ANKS1B: variants seen among roughly 807,000 people sequenced by gnomAD.
ANKS1B encodes the protein ankyrin repeat and sterile alpha motif domain containing 1B, also known as ankyrin repeat and sterile alpha motif domain-containing protein 1B.
ANKS1B carries 36 observed loss-of-function variants against 148.3 expected under a neutral mutation model. The ratio of observed to expected loss-of-function variants is 0.24; its 90% CI spans 0.19 to 0.32. The LOEUF (loss-of-function observed/expected upper bound fraction) is 0.32, where lower values mean the gene tolerates loss of function less well. Ranked by LOEUF, ANKS1B falls within the 10% of genes least tolerant of loss-of-function variation. ANKS1B has a pLI of 1.00. For missense variants in ANKS1B, 1,157 were observed against 1,542.6 expected (o/e 0.75, Z 4.19); for synonymous variants, 542 against 560.8 (o/e 0.97, Z 0.47).
At chr12:99,514,565 C>G (rs1238806987) in intron 9 of ANKS1B, among the ~76,000 whole-genome samples, 1 of 152,044 alleles carries the variant, frequency 6.6e-6, no homozygotes, top group Non-Finnish European at 1.5e-5. Flanking sequence ...CATCCAGAAA[C>G]TAGGACTGAA....
In ANKS1B at chr12:98,745,633, A is replaced by G; in HGVS notation, c.*106T>C. 9 of 1,504,880 alleles carry G rather than the reference A, an allele frequency of 6.0e-6. No individual in the cohort carries two copies. The South Asian group carries it at 9.3e-5, about 16-fold the overall frequency. 93.2% of individuals were successfully genotyped at this position (1,504,880 alleles called of 1,614,324 possible). ...TCGCCCGTAACAAGGCCGCACGCTC[A>G]GAGCAGTCTTCCTCCTGGGCTGGGT... On this transcript the variant is annotated 3_prime_UTR_variant, in exon 27 of 27. Coordinates refer to ENST00000683438, the MANE Select transcript of ANKS1B (RefSeq NM_001352186.2).
intron 8 of ANKS1B, among the ~76,000 whole-genome samples, chr12:99,713,501 GATTTCCAAGCAA>G (rs1201639779): frequency 2.6e-5 from 4 of 152,030 alleles, no homozygotes; most frequent in Non-Finnish European, 5.9e-5. Flanking sequence ...AGTTTGCTTG[GATTTCCAAGCAA>G]ATTTCCTCGG....
chr12:99,179,787 C>T (rs1275919894), intron 14 of ANKS1B, among the ~76,000 whole-genome samples: 2 of 152,128 alleles, frequency 1.3e-5, no homozygotes, highest in African/African-American at 2.4e-5. Context: ...TAATACTTAA[C>T]AACAGTGCTG....
chr12:98,937,481 T>C (rs1290556937), intron 17 of ANKS1B, among the ~76,000 whole-genome samples: 2 of 152,244 alleles, frequency 1.3e-5, no homozygotes, highest in African/African-American at 4.8e-5. Flanking sequence ...GTTTTGTAGC[T>C]TCACTGTCTT....
chr12:99,075,546 G>A (rs2047573952), intron 16 of ANKS1B, among the ~76,000 whole-genome samples: 3 of 152,110 alleles, frequency 2.0e-5, no homozygotes, highest in South Asian at 4.1e-4. Context: ...TGAATGACTT[G>A]CTGTCACTTC....
At chr12:99,218,941 C>A (rs866977303) in intron 14 of ANKS1B, among the ~76,000 whole-genome samples, 2 of 152,196 alleles carry the variant, frequency 1.3e-5, no homozygotes, top group Non-Finnish European at 1.5e-5. Flanking sequence ...GACCTATATA[C>A]GTATTATACA....
chr12:99,812,186 T>C lies in ANKS1B; in HGVS notation c.341A>G (p.His114Arg). 1.2e-6 allele frequency: 2 copies of C among 1,611,878 alleles called. No individual in the cohort carries two copies. The highest frequency in any genetic ancestry group is 1.7e-6 in the Non-Finnish European group (2 of 1,178,486). The stretch of plus-strand genomic sequence containing the variant: ...ATTGACCCTGGAATGTGATGGTCCA[T>C]GATGAATAAGAATCTTCACAATTTC... The part of the protein sequence containing the change: ...DVEIVKILIH[H>R]GPSHSRVNEQ... The change falls in exon 3 of 27, where the codon CAT (histidine) becomes CGT (arginine). Residue 114 changes from histidine (H) to arginine (R), a missense_variant. Physicochemically the swap from His to Arg is conservative, Grantham distance 29 (BLOSUM62 0). Around this residue, in one of 6 missense-constraint regions of ANKS1B, gnomAD observed 164 missense variants for 232.6 expected, o/e 0.71. Coordinates refer to ENST00000683438, the MANE Select transcript of ANKS1B (RefSeq NM_001352186.2).
chr12:99,536,357 C>T (rs777591589), intron 9 of ANKS1B, among the ~76,000 whole-genome samples: 10 of 152,072 alleles, frequency 6.6e-5, no homozygotes, highest in African/African-American at 9.7e-5. Flanking sequence ...TCTGTACTTT[C>T]CTCTTAATTT....
At chr12:99,840,602 G>A (rs964665602) in intron 1 of ANKS1B, among the ~76,000 whole-genome samples, 1 of 152,102 alleles carries the variant, frequency 6.6e-6, no homozygotes, top group African/African-American at 2.4e-5. Flanking sequence ...GCATTTAAAG[G>A]TAAAGGAAAC....
At chr12:99,411,825 T>C (rs907512343) in intron 11 of ANKS1B, among the ~76,000 whole-genome samples, 1 of 152,208 alleles carries the variant, frequency 6.6e-6, no homozygotes, top group Non-Finnish European at 1.5e-5. Flanking sequence ...CTAGAGCTCC[T>C]AGTGCGTGGA....
chr12:98,758,703 G>A (rs2098323928), intron 25 of ANKS1B, among the ~76,000 whole-genome samples: 1 of 152,062 alleles, frequency 6.6e-6, no homozygotes, highest in African/African-American at 2.4e-5. Flanking sequence ...GAAAGCACAG[G>A]AATTCCCCTC....
chr12:99,060,653 T>TCTCACACA (rs371845222), intron 16 of ANKS1B, among the ~76,000 whole-genome samples: 2 of 126,100 alleles, frequency 1.6e-5, no homozygotes, highest in South Asian at 2.8e-4. Flanking sequence ...TATATACACA[T>TCTCACACA]CACACACACA....
At chr12:99,354,477 C>T (rs2152401081) in intron 12 of ANKS1B, among the ~76,000 whole-genome samples, 1 of 152,056 alleles carries the variant, frequency 6.6e-6, no homozygotes, top group African/African-American at 2.4e-5. Context: ...TCACTATTTC[C>T]TCATGTTGAG....
chr12:99,651,085 A>G (rs2098416202), intron 9 of ANKS1B, among the ~76,000 whole-genome samples: 1 of 152,136 alleles, frequency 6.6e-6, no homozygotes. Flanking sequence ...TGGGGATATA[A>G]AATTTTACAT....
chr12:99,377,920 C>G (rs368130382), intron 12 of ANKS1B, among the ~76,000 whole-genome samples: 3 of 152,100 alleles, frequency 2.0e-5, no homozygotes, highest in South Asian at 2.1e-4. Context: ...ACAAGATTTC[C>G]CAAGCTAGGT....
intron 1 of ANKS1B, among the ~76,000 whole-genome samples, chr12:99,897,178 A>C (rs1229191804): frequency 6.6e-6 from 1 of 151,324 alleles, no homozygotes; most frequent in Non-Finnish European, 1.5e-5. Flanking sequence ...GCTGGGTTTA[A>C]TGCCTTGACA....
At chr12:99,694,127 T>C (rs935941322) in intron 8 of ANKS1B, among the ~76,000 whole-genome samples, 8 of 149,648 alleles carry the variant, frequency 5.3e-5, no homozygotes, top group African/African-American at 1.5e-4. Flanking sequence ...TAATTTTCTA[T>C]AAAAGCATTA....
intron 9 of ANKS1B, among the ~76,000 whole-genome samples, chr12:99,544,987 G>A (rs1254349157): frequency 6.6e-6 from 1 of 152,062 alleles, no homozygotes; most frequent in Non-Finnish European, 1.5e-5. Flanking sequence ...TTATCTGACT[G>A]TCTCTTTGGT....
At chr12:99,113,437 G>T (rs949357104) in intron 15 of ANKS1B, among the ~76,000 whole-genome samples, 4 of 152,170 alleles carry the variant, frequency 2.6e-5, no homozygotes, top group Non-Finnish European at 5.9e-5. Context: ...TGAATGAGTT[G>T]TCAAAGAGGA....
Sources: gnomAD v4.1 joint callset for allele counts (sites outside exome capture counted in the v4.1 genomes callset) on GRCh38, gnomAD v4.1.1 for gene constraint, gnomAD v4.1.1 regional missense constraint, MANE v1.5 for transcripts, NCBI Gene and HGNC (gene_info 2026-07-23, HGNC 2026-07-21) for gene names.